Variants in DNHD1 observed in about 807,000 individuals in gnomAD.
The protein encoded by DNHD1 is dynein heavy chain domain-containing protein 1.
A neutral mutation model predicts 458.1 loss-of-function variants in DNHD1; 383 were observed. That is an observed-to-expected ratio of 0.84 (90% CI 0.77 to 0.91). DNHD1 has a LOEUF of 0.91. DNHD1 is among the 40% of genes least tolerant of loss of function. The pLI is 0.00. For missense variants in DNHD1, 5,336 were observed against 5,866.1 expected, an observed-to-expected ratio of 0.91 and a Z score of 2.95; for synonymous variants, 2,203 against 2,376.9, an observed-to-expected ratio of 0.93 and a Z score of 2.13.
Position 6,567,054 on chromosome 11 carries a change from C to T in DNHD1, c.11545C>T (p.Pro3849Ser). Residue 3849 changes from proline to serine, a missense_variant, in exon 36 of 43, where the codon CCC becomes TCC. By Grantham distance (74) the Pro-to-Ser change is moderately conservative. Transcript: ENST00000254579. ...ACTACAGGAGATGGTATTGTGGGCA[C>T]CCTATCGACCTGTGGTTTGGCATGG... ...QKLQEMVLWA[P>S]YRPVVWHGMA... is the part of the protein sequence containing the mutation. 1 of 1,614,018 alleles carries T rather than the reference C, an allele frequency of 6.2e-7. No homozygotes were observed. The highest frequency in any genetic ancestry group is 8.5e-7 in the Non-Finnish European group (1 of 1,179,898).
Position 6,547,173 on chromosome 11 carries a change from C to T in DNHD1, c.6234C>T (p.Ile2078=), listed in dbSNP as rs563837735. 44 of 1,551,742 alleles carry T rather than the reference C, an allele frequency of 2.8e-5. 1 individual carries two copies. The South Asian group carries it at 3.8e-4, about 13-fold the overall frequency. ...AAAAGAGGCAGACAGAGGAATCAAT[C>T]GGGATCCAGCACTGGATAATATGTG... ...MGQKRQTEES[I]GIQHWIICDG... Residue 2078 remains isoleucine, a synonymous_variant, in exon 21 of 43, where the codon ATC becomes ATT. Coordinates refer to ENST00000254579, the MANE Select transcript of DNHD1 (RefSeq NM_144666.3).
Position 6,528,961 on chromosome 11 carries a change from T to G in DNHD1, c.2187T>G (p.Pro729=). 6.4e-7 allele frequency: 1 copy of G among 1,551,664 alleles called. No individual in the cohort carries two copies. Among genetic ancestry groups the G allele is most frequent in the Non-Finnish European group, 8.7e-7 (1 of 1,146,972 alleles). ...GIYEFLQSWG[P]QKLEDMRGGP... ...ATGAATTCCTGCAATCCTGGGGGCCTCAGAAGCTGGAAGACATGAGAGGTG... is the reference window on the plus strand; with the variant it reads ...ATGAATTCCTGCAATCCTGGGGGCCGCAGAAGCTGGAAGACATGAGAGGTG... The change falls in exon 12 of 43, where the codon CCT becomes CCG. Residue 729 remains proline, a synonymous_variant. Transcript: ENST00000254579.
At position 6,547,477 on chromosome 11, in the gene DNHD1, C is replaced by G. The variant is rs374572792; in HGVS notation, c.6538C>G (p.His2180Asp). ...GCACCGGACAGTCGCTGAGCTCAAC[C>G]ACATGGCTGAGGTTCTGGTGCCTGC... is the stretch of plus-strand genomic sequence containing the variant. ...LQHRTVAELN[H>D]MAEVLVPATL... The change falls in exon 21 of 43, where the codon CAC becomes GAC. Residue 2180 changes from histidine (H) to aspartate (D), a missense_variant. Coordinates refer to ENST00000254579, the MANE Select transcript of DNHD1 (RefSeq NM_144666.3). 4.1e-5 allele frequency: 63 copies of G among 1,550,952 alleles called. No individual in the cohort carries two copies. In the African/African-American group the frequency reaches 8.5e-4, roughly 21 times the overall value.
At chr11:6,521,872 A>G (rs1033396071) in intron 10 of DNHD1, among the ~76,000 whole-genome samples, 5 of 152,054 alleles carry the variant, frequency 3.3e-5, no homozygotes, top group Admixed American at 2.0e-4. Flanking sequence ...ACATACCACC[A>G]TGCCTGGCTA....
In DNHD1 at chr11:6,571,839, C is replaced by T; in HGVS notation, c.14115C>T (p.Tyr4705=). 3 of 1,613,920 alleles carry T rather than the reference C, an allele frequency of 1.9e-6. No homozygotes were observed. The highest frequency in any genetic ancestry group is 2.7e-5 in the African/African-American group (2 of 75,038). ...DLPAPADLTV[Y]SCPVYMGGPL... ...CAGCCCCAGCCGACCTGACTGTGTA[C>T]TCGTGTCCTGTGTACATGGGAGGGC... is the stretch of plus-strand genomic sequence containing the variant. Residue 4705 remains tyrosine (Y), a synonymous_variant, in exon 43 of 43, where the codon TAC becomes TAT. Coordinates refer to ENST00000254579, the MANE Select transcript of DNHD1 (RefSeq NM_144666.3). This position sits in a 1 kb window ranked among gnomAD's most constrained non-coding sequence, Gnocchi z 5.0.
intron 14 of DNHD1, among the ~76,000 whole-genome samples, chr11:6,535,137 T>G (rs1458675607): frequency 6.6e-6 from 1 of 152,254 alleles, no homozygotes; most frequent in African/African-American, 2.4e-5. Flanking sequence ...ATTCCTTTAT[T>G]CTTTTTCTCT....
intron 7 of DNHD1, among the ~76,000 whole-genome samples, chr11:6,518,632 G>T (rs1723859530): frequency 6.6e-6 from 1 of 152,208 alleles, no homozygotes; most frequent in African/African-American, 2.4e-5. Context: ...GGAGCTTACA[G>T]TGTAGTGGAT....
chr11:6,563,720 A>C lies in DNHD1; in HGVS notation c.9880A>C (p.Ile3294Leu). 1 of 1,547,704 alleles carries C rather than the reference A, an allele frequency of 6.5e-7. No individual in the cohort carries two copies. Among genetic ancestry groups the C allele is most frequent in the Non-Finnish European group, 8.7e-7 (1 of 1,144,838 alleles). ...QELVFFPKEK[I>L]TDSELIKLHL... is the part of the protein sequence containing the mutation. ...GCTGGTGTTCTTCCCCAAGGAGAAGATAACAGACTCAGAGCTGATAAAGTT... is the reference window on the plus strand; with the variant it reads ...GCTGGTGTTCTTCCCCAAGGAGAAGCTAACAGACTCAGAGCTGATAAAGTT... The change falls in exon 31 of 43, where the codon ATA becomes CTA. Residue 3294 changes from isoleucine (I) to leucine (L), a missense_variant. Around this residue, in one of 4 missense-constraint regions of DNHD1, gnomAD observed 3,932 missense variants for 4,365.6 expected, o/e 0.90. Coordinates refer to ENST00000254579, the MANE Select transcript of DNHD1 (RefSeq NM_144666.3).
intron 34 of DNHD1, 82 bp downstream of exon 34, chr11:6,566,475 A>C: frequency 6.5e-7 from 1 of 1,544,070 alleles, no homozygotes; most frequent in East Asian, 2.4e-5. Context: ...GGCTTCACTC[A>C]ACCTGGCCCA....
chr11:6,522,234 A>C (rs1028825109), intron 10 of DNHD1, among the ~76,000 whole-genome samples: 1 of 151,906 alleles, frequency 6.6e-6, no homozygotes, highest in Non-Finnish European at 1.5e-5. Context: ...TAGATGCTAG[A>C]TATCAGACCT....
Position 6,533,679 on chromosome 11 carries a change from AGTTGAATG to A in DNHD1, c.2506-1_2512del. On this transcript the variant is annotated splice_acceptor_variant and coding_sequence_variant, in exon 14 of 43. Transcript: ENST00000254579. LOFTEE classifies it high-confidence loss of function. Reference sequence around the variant, plus strand: ...GCCGGTCTCATGCTGTAATTCCTGCAGTTGAATGAAGCCAATGAACAGTACGTCGAGCT... The same window carrying A: ...GCCGGTCTCATGCTGTAATTCCTGCAAAGCCAATGAACAGTACGTCGAGCT... The A allele has an allele frequency of 6.5e-7, 1 of 1,541,906 alleles. No homozygotes were observed. Among genetic ancestry groups the A allele is most frequent in the African/African-American group, 1.4e-5 (1 of 72,974 alleles).
chr11:6,509,108 T>TG (rs1219184053), intron 5 of DNHD1, 25 bp downstream of exon 5: 7 of 1,613,960 alleles, frequency 4.3e-6, no homozygotes, highest in Non-Finnish European at 5.1e-6. Context: ...ATATGTGATT[T>TG]GGGGGGAAAT....
At chr11:6,529,231 T>C (rs1852777715) in intron 12 of DNHD1, 110 bp downstream of exon 12, 1 of 1,245,728 alleles carries the variant, frequency 8.0e-7, no homozygotes, top group African/African-American at 1.5e-5. Context: ...AGGCCTCTTA[T>C]TGGACCTATG....
rs1852582702 is a variant in DNHD1 at position 6,520,427 on chromosome 11, G to T, written c.1837+138G>T. Reference sequence around the variant, plus strand: ...TGTGGATGGAGCAGCTCTAACCTGGGTACTGCACATATGTGTTGTGGGTAG... The same window carrying T: ...TGTGGATGGAGCAGCTCTAACCTGGTTACTGCACATATGTGTTGTGGGTAG... On this transcript the variant is annotated intron_variant, in intron 10 of 42. Coordinates refer to ENST00000254579, the MANE Select transcript of DNHD1 (RefSeq NM_144666.3). 25 of 1,507,206 alleles carry T rather than the reference G, an allele frequency of 1.7e-5. 1 individual carries two copies. In the South Asian group the frequency reaches 2.9e-4, roughly 18 times the overall value. 93.4% of individuals were successfully genotyped at this position (1,507,206 alleles called of 1,614,324 possible). A position where few individuals can be genotyped will look rare whatever the true frequency, so the allele number is the denominator to read the frequency against.
At chr11:6,536,046 G>A (rs888777922) in intron 14 of DNHD1, among the ~76,000 whole-genome samples, 1 of 152,120 alleles carries the variant, frequency 6.6e-6, no homozygotes, top group East Asian at 1.9e-4. Flanking sequence ...ACTGGAGAAG[G>A]AAGGATACAA....
rs374104878 is a variant in DNHD1, at chr11:6,546,921, G to A, written c.5982G>A (p.Ala1994=). ...RASGILLLGP[A]GSGKTTCWHS... ...CAGGCATTCTGCTCCTGGGCCCTGC[G>A]GGCAGCGGCAAGACCACTTGTTGGC... The change falls in exon 21 of 43, where the codon GCG becomes GCA. Residue 1994 remains alanine (A), a synonymous_variant. Transcript: ENST00000254579. 2.3e-4 allele frequency: 357 copies of A among 1,551,578 alleles called. 5 individuals carry two copies. The South Asian group carries it at 3.0e-3, about 13-fold the overall frequency.
At chr11:6,513,181 A>T (rs1444604296) in intron 7 of DNHD1, among the ~76,000 whole-genome samples, 1 of 152,216 alleles carries the variant, frequency 6.6e-6, no homozygotes, top group Non-Finnish European at 1.5e-5. Flanking sequence ...TTATAAAAAT[A>T]GTTATAACTT....
chr11:6,570,639 T>A lies in DNHD1; in HGVS notation c.13127T>A (p.Met4376Lys), dbSNP rs1234362217. The A allele has an allele frequency of 1.2e-6, 2 of 1,609,634 alleles. No homozygotes were observed. Among genetic ancestry groups the A allele is most frequent in the Non-Finnish European group, 1.7e-6 (2 of 1,177,740 alleles). ...PLPELRELDAMAECKAQMHLL... is the reference protein window; with the variant it reads ...PLPELRELDAKAECKAQMHLL... ...CAAGAGCTAAGGGAGCTGGATGCAA[T>A]GGCAGAGTGCAAGGCCCAGATGCAC... Residue 4376 changes from methionine (M) to lysine (K), a missense_variant, in exon 42 of 43, where the codon ATG (methionine) becomes AAG (lysine). Transcript: ENST00000254579.
intron 28 of DNHD1, among the ~76,000 whole-genome samples, chr11:6,561,493 C>T (rs889222262): frequency 2.0e-5 from 3 of 152,130 alleles, no homozygotes; most frequent in African/African-American, 7.2e-5. Flanking sequence ...AGGGCACTAT[C>T]CTTACCTTCA....
Sources: allele counts gnomAD v4.1 joint callset (sites outside exome capture counted in the v4.1 genomes callset), GRCh38; gene constraint gnomAD v4.1.1; regional missense constraint gnomAD v4.1.1; non-coding constraint Gnocchi (gnomAD v3.1); transcripts MANE v1.5; gene names NCBI Gene and HGNC (gene_info 2026-07-23, HGNC 2026-07-21).